DENND4A: variants seen among roughly 807,000 people sequenced by gnomAD.
DENND4A encodes C-myc promoter-binding protein.
A neutral mutation model predicts 199.3 loss-of-function variants in DENND4A; 70 were observed. The observed-to-expected ratio is 0.35, with a 90% CI of 0.29 to 0.43. The LOEUF (loss-of-function observed/expected upper bound fraction) is 0.43. Among genes scored for constraint, DENND4A ranks in the 20% least tolerant of loss-of-function variants. The pLI is 1.00. For synonymous variants in DENND4A, 686 were observed against 766.9 expected, an observed-to-expected ratio of 0.89 and a Z score of 1.74; for missense variants, 1,723 against 2,255.8, an observed-to-expected ratio of 0.76 and a Z score of 4.78.
intron 1 of DENND4A, chr15:65,771,127 GA>G: frequency 2.0e-6 from 3 of 1,507,616 alleles, no homozygotes; most frequent in Non-Finnish European, 2.7e-6. Flanking sequence ...CTTACTTACA[GA>G]AAAAATAAAG....
chr15:65,722,973 A>G, intron 11 of DENND4A, 25 bp from the exon 12 acceptor site: 5 of 1,562,564 alleles, frequency 3.2e-6, no homozygotes, highest in South Asian at 1.2e-5. Flanking sequence ...CAACAGGAAT[A>G]TATTTGTTAC....
chr15:65,705,018 A>G (rs1443214087), intron 15 of DENND4A, among the ~76,000 whole-genome samples: 1 of 152,256 alleles, frequency 6.6e-6, no homozygotes, highest in Non-Finnish European at 1.5e-5. Flanking sequence ...AAAGTACAAA[A>G]GAGATTAAAA....
intron 13 of DENND4A, among the ~76,000 whole-genome samples, chr15:65,716,335 G>A (rs1253535347): frequency 2.7e-5 from 4 of 150,584 alleles, no homozygotes; most frequent in African/African-American, 4.9e-5. Flanking sequence ...ATGTTGGTGT[G>A]CTGCACCCAT....
At chr15:65,750,820 G>A (rs2076542064) in intron 4 of DENND4A, among the ~76,000 whole-genome samples, 1 of 152,008 alleles carries the variant, frequency 6.6e-6, no homozygotes, top group South Asian at 2.1e-4. Context: ...TACTAAGAGT[G>A]AGATGAGAAG....
chr15:65,713,902 G>A (rs1159231430), intron 14 of DENND4A, among the ~76,000 whole-genome samples: 1 of 152,094 alleles, frequency 6.6e-6, no homozygotes, highest in African/African-American at 2.4e-5. Flanking sequence ...CATTGCTTTT[G>A]GGGTGTGGCT....
At chr15:65,702,749 CT>C in intron 16 of DENND4A, 123 bp downstream of exon 16, 1 of 1,039,258 alleles carries the variant, frequency 9.6e-7, no homozygotes, top group South Asian at 1.6e-5. Context: ...CTTCACAGTG[CT>C]TTGGTGAACA....
intron 8 of DENND4A, 72 bp from the exon 9 acceptor site, chr15:65,731,772 T>C: frequency 9.4e-7 from 1 of 1,067,252 alleles, no homozygotes; most frequent in South Asian, 1.5e-5. Flanking sequence ...CTGTTAAAAA[T>C]ATATAAAATA....
At chr15:65,776,375 T>C (rs1177508788) in intron 1 of DENND4A, among the ~76,000 whole-genome samples, 1 of 152,226 alleles carries the variant, frequency 6.6e-6, no homozygotes. Context: ...CCATTGTTTT[T>C]TACTTAAAAA....
intron 4 of DENND4A, among the ~76,000 whole-genome samples, chr15:65,750,918 A>G (rs2076545084): frequency 6.6e-6 from 1 of 152,176 alleles, no homozygotes; most frequent in Non-Finnish European, 1.5e-5. Context: ...TATGATAGAG[A>G]GAGCAGAAGT....
intron 14 of DENND4A, among the ~76,000 whole-genome samples, chr15:65,711,633 A>G (rs1249278014): frequency 1.3e-5 from 2 of 152,218 alleles, no homozygotes; most frequent in Non-Finnish European, 2.9e-5. Context: ...CCCCCAAAAC[A>G]ATCTACTTTC....
intron 14 of DENND4A, among the ~76,000 whole-genome samples, chr15:65,707,513 T>G (rs1030540860): frequency 6.6e-6 from 1 of 152,200 alleles, no homozygotes; most frequent in East Asian, 1.9e-4. Context: ...TGATTATAAT[T>G]TCACAGCATT....
At chr15:65,739,916 C>T (rs751194416) in intron 5 of DENND4A, among the ~76,000 whole-genome samples, 1 of 152,188 alleles carries the variant, frequency 6.6e-6, no homozygotes, top group Non-Finnish European at 1.5e-5. Flanking sequence ...CGTGGTGGCT[C>T]ATGCCTGTAA....
intron 9 of DENND4A, among the ~76,000 whole-genome samples, chr15:65,731,129 C>G (rs535134564): frequency 6.2e-4 from 95 of 152,008 alleles, no homozygotes; most frequent in Non-Finnish European, 1.1e-3. Flanking sequence ...AACCATTTCT[C>G]TGATGAAAAA....
At chr15:65,666,215 G>A (rs2076032433) in intron 29 of DENND4A, among the ~76,000 whole-genome samples, 1 of 152,052 alleles carries the variant, frequency 6.6e-6, no homozygotes, top group African/African-American at 2.4e-5. Flanking sequence ...ATTTATAAAT[G>A]AGGCACAAAA....
chr15:65,706,344 A>G, intron 14 of DENND4A, 120 bp from the exon 15 acceptor site: 1 of 1,005,050 alleles, frequency 9.9e-7, no homozygotes, highest in Non-Finnish European at 1.3e-6. Flanking sequence ...ATTAAAAAAG[A>G]AGAGTGAGCA....
chr15:65,761,913 C>G (rs1222769975), intron 1 of DENND4A, among the ~76,000 whole-genome samples: 1 of 152,146 alleles, frequency 6.6e-6, no homozygotes, highest in Non-Finnish European at 1.5e-5. Context: ...AGTACTTTCC[C>G]TTTATTACAA....
rs1030014917 is a variant in DENND4A at position 65,666,311 on chromosome 15, G to A, written c.5242-849C>T. On this transcript the variant is annotated intron_variant, in intron 29 of 32. Coordinates refer to ENST00000443035, the MANE Select transcript of DENND4A (RefSeq NM_001320835.1). The stretch of plus-strand genomic sequence containing the variant: ...CTTTGTGCCATTAAGTAAAACAGGA[G>A]TTACATGAACACAAGCACTGTGATA... 5.3e-5 allele frequency among the ~76,000 whole-genome samples: 8 copies of A among 152,210 alleles called. No individual in the cohort carries two copies. In the East Asian group the frequency reaches 1.5e-3, roughly 29 times the overall value.
At chr15:65,744,372 T>A (rs1393024531) in intron 4 of DENND4A, among the ~76,000 whole-genome samples, 1 of 152,140 alleles carries the variant, frequency 6.6e-6, no homozygotes, top group East Asian at 1.9e-4. Flanking sequence ...TAAATAGAGC[T>A]AAGGTAAGCG....
intron 23 of DENND4A, 121 bp downstream of exon 23, chr15:65,690,294 A>T: frequency 9.6e-7 from 1 of 1,038,292 alleles, no homozygotes; most frequent in Non-Finnish European, 1.3e-6. Flanking sequence ...AAACTTACAT[A>T]CCCAATGAGT....
Sources: gnomAD v4.1 joint callset for allele counts (sites outside exome capture counted in the v4.1 genomes callset) on GRCh38, gnomAD v4.1.1 for gene constraint, MANE v1.5 for transcripts, NCBI Gene and HGNC (gene_info 2026-07-23, HGNC 2026-07-21) for gene names.